Variants in LRRC52 observed in about 807,000 individuals in gnomAD.
LRRC52 encodes the protein leucine-rich repeat-containing protein 52.
In LRRC52, 15 loss-of-function variants were observed where a neutral mutation model predicts 14.7. The observed-to-expected ratio is 1.02, with a 90% CI of 0.68 to 1.58. The LOEUF is 1.58. LRRC52 is among the 40% of genes most tolerant of loss of function. LRRC52 has a pLI of 0.00. For missense variants in LRRC52, 400 were observed against 387.7 expected (o/e 1.03, Z -0.27); for synonymous variants, 180 against 163.9 (o/e 1.10, Z -0.75).
At chr1:165,559,823 C>T (rs1370864622) in intron 1 of LRRC52, among the ~76,000 whole-genome samples, 3 of 152,178 alleles carry the variant, frequency 2.0e-5, no homozygotes, top group Non-Finnish European at 4.4e-5. Context: ...ATGAAACATA[C>T]ATACATTTAA....
intron 1 of LRRC52, among the ~76,000 whole-genome samples, chr1:165,554,381 T>TA (rs1230298545): frequency 6.6e-6 from 1 of 152,130 alleles, no homozygotes; most frequent in Non-Finnish European, 1.5e-5. Flanking sequence ...GATGATGTCA[T>TA]AAAAAACACC....
intron 1 of LRRC52, among the ~76,000 whole-genome samples, chr1:165,550,664 C>CA (rs1379867166): frequency 6.6e-6 from 1 of 152,152 alleles, no homozygotes; most frequent in Non-Finnish European, 1.5e-5. Flanking sequence ...CTGTCAAGCA[C>CA]ATCATGATCC....
chr1:165,556,214 T>C (rs1245475351), intron 1 of LRRC52, among the ~76,000 whole-genome samples: 3 of 152,248 alleles, frequency 2.0e-5, no homozygotes, highest in Admixed American at 1.3e-4. Context: ...TTTTTGCCTC[T>C]GAATCATGCC....
intron 1 of LRRC52, among the ~76,000 whole-genome samples, chr1:165,557,142 T>A (rs1345094919): frequency 1.3e-5 from 2 of 152,188 alleles, no homozygotes; most frequent in Non-Finnish European, 2.9e-5. Flanking sequence ...ATAATAATAA[T>A]TACCTTTTGA....
At chr1:165,552,880 C>G (rs1253382041) in intron 1 of LRRC52, among the ~76,000 whole-genome samples, 2 of 152,162 alleles carry the variant, frequency 1.3e-5, no homozygotes, top group Non-Finnish European at 2.9e-5. Context: ...TCAATGGTAG[C>G]TCCCAAGACT....
intron 1 of LRRC52, among the ~76,000 whole-genome samples, chr1:165,559,422 G>T (rs1462082637): frequency 6.6e-6 from 1 of 152,034 alleles, no homozygotes; most frequent in African/African-American, 2.4e-5. Flanking sequence ...AAACTTGAAA[G>T]AACTATATGG....
intron 1 of LRRC52, among the ~76,000 whole-genome samples, chr1:165,548,282 G>A (rs1661064184): frequency 6.6e-6 from 1 of 152,192 alleles, no homozygotes; most frequent in Non-Finnish European, 1.5e-5. Context: ...ATGCAGTGAA[G>A]TAAAGGACTT....
At chr1:165,557,116 G>A (rs929299700) in intron 1 of LRRC52, among the ~76,000 whole-genome samples, 2 of 152,174 alleles carry the variant, frequency 1.3e-5, no homozygotes, top group Non-Finnish European at 2.9e-5. Flanking sequence ...AACAGTTCTC[G>A]AAAAGTAATT....
intron 1 of LRRC52, among the ~76,000 whole-genome samples, chr1:165,560,177 T>C (rs1326439262): frequency 1.3e-5 from 2 of 152,198 alleles, no homozygotes; most frequent in Non-Finnish European, 2.9e-5. Context: ...CAAAATGACA[T>C]AGAATGAAAT....
chr1:165,544,226 C>CACCCG lies in LRRC52; in HGVS notation c.-68_-67insCGACC. 1 of 560,352 alleles carries CACCCG rather than the reference C, an allele frequency of 1.8e-6. No individual in the cohort carries two copies. The highest frequency in any genetic ancestry group is 1.9e-5 in the African/African-American group (1 of 52,236). 34.7% of individuals were successfully genotyped at this position (560,352 alleles called of 1,614,324 possible). The stretch of plus-strand genomic sequence containing the variant: ...GAGCCCCTCCCCCGCCCCACCCCCC[C>CACCCG]ACCGGCAGCCTTCGGATCAGAGGAC... On this transcript the variant is annotated 5_prime_UTR_variant, in exon 1 of 2. Transcript: ENST00000294818.
rs764975557 is a variant in LRRC52 at position 165,563,478 on chromosome 1, C to G, written c.623-27C>G. The G allele has an allele frequency of 2.5e-6, 4 of 1,587,688 alleles. No homozygotes were observed. In the African/African-American group the frequency reaches 5.4e-5, roughly 21 times the overall value. On this transcript the variant is annotated intron_variant, in intron 1 of 1. Transcript: ENST00000294818. The stretch of plus-strand genomic sequence containing the variant: ...CGCTGGGAGTCACGCTGTTTCAGCA[C>G]CCTGCCTGCTGTGTTTTTCTTCTTA...
In LRRC52 at chr1:165,544,226, C is replaced by CCCCCCCCCCCCCA; in HGVS notation, c.-71_-70insCCCCCCCCCCCCA. 1 of 560,354 alleles carries CCCCCCCCCCCCCA rather than the reference C, an allele frequency of 1.8e-6. No individual in the cohort carries two copies. The highest frequency in any genetic ancestry group is 3.1e-6 in the Non-Finnish European group (1 of 326,450). The allele number at this position is 560,354 out of a possible 1,614,324, so 34.7% of individuals were successfully genotyped here. ...GAGCCCCTCCCCCGCCCCACCCCCC[C>CCCCCCCCCCCCCA]ACCGGCAGCCTTCGGATCAGAGGAC... is the stretch of plus-strand genomic sequence containing the variant. On this transcript the variant is annotated 5_prime_UTR_variant, in exon 1 of 2. Transcript: ENST00000294818.
At chr1:165,548,175 A>G (rs1661060750) in intron 1 of LRRC52, among the ~76,000 whole-genome samples, 1 of 152,176 alleles carries the variant, frequency 6.6e-6, no homozygotes. Context: ...GACTCATTTT[A>G]GGCCCAAGGA....
intron 1 of LRRC52, among the ~76,000 whole-genome samples, chr1:165,550,025 A>C (rs1661099477): frequency 6.6e-6 from 1 of 152,206 alleles, no homozygotes; most frequent in Non-Finnish European, 1.5e-5. Flanking sequence ...AGGGTGCTCT[A>C]TTGAGCCCTG....
intron 1 of LRRC52, among the ~76,000 whole-genome samples, chr1:165,561,668 C>T (rs1333417061): frequency 6.6e-6 from 1 of 152,256 alleles, no homozygotes; most frequent in Non-Finnish European, 1.5e-5. Flanking sequence ...TCTTCCTCTC[C>T]CTTCCTCTGT....
chr1:165,555,653 G>A (rs941538942), intron 1 of LRRC52, among the ~76,000 whole-genome samples: 1 of 152,226 alleles, frequency 6.6e-6, no homozygotes, highest in Non-Finnish European at 1.5e-5. Flanking sequence ...ACACTGGCTG[G>A]GACCAGGGCA....
chr1:165,545,686 A>C (rs1571103936), intron 1 of LRRC52, among the ~76,000 whole-genome samples: 1 of 152,010 alleles, frequency 6.6e-6, no homozygotes, highest in Non-Finnish European at 1.5e-5. Context: ...CGCTGTCCTC[A>C]CCCGGCCTGC....
At position 165,544,565 on chromosome 1, in the gene LRRC52, G is replaced by C. The variant is rs374982726; in HGVS notation, c.269G>C (p.Arg90Pro). ...VYLDCQNNRI[R>P]EVMDYTFIGV... ...TTGGACTGTCAGAACAACCGGATTC[G>C]AGAGGTGATGGATTATACCTTCATC... Residue 90 changes from arginine (R) to proline (P), a missense_variant, in exon 1 of 2, where the codon CGA becomes CCA. Arg to Pro is a moderately radical substitution (Grantham distance 103). Coordinates refer to ENST00000294818, the MANE Select transcript of LRRC52 (RefSeq NM_001005214.4). 16 of 1,613,840 alleles carry C rather than the reference G, an allele frequency of 9.9e-6. No homozygotes were observed. The highest frequency in any genetic ancestry group is 1.3e-5 in the African/African-American group (1 of 74,834).
At chr1:165,557,777 A>T (rs141650023) in intron 1 of LRRC52, among the ~76,000 whole-genome samples, 242 of 152,338 alleles carry the variant, frequency 1.6e-3, no homozygotes, top group African/African-American at 5.4e-3. Context: ...CAAGGTGCAT[A>T]AAGCTGATAG....
Sources: gnomAD v4.1 joint callset for allele counts (sites outside exome capture counted in the v4.1 genomes callset) on GRCh38, gnomAD v4.1.1 for gene constraint, MANE v1.5 for transcripts, NCBI Gene and HGNC (gene_info 2026-07-23, HGNC 2026-07-21) for gene names.